DSCAM: variants seen among roughly 807,000 people sequenced by gnomAD.
DSCAM encodes the protein cell adhesion molecule DSCAM.
DSCAM carries 47 observed loss-of-function variants against 217.7 expected under a neutral mutation model. The ratio of observed to expected loss-of-function variants is 0.22; its 90% confidence interval spans 0.17 to 0.28. DSCAM has a LOEUF of 0.28. DSCAM is among the 10% of genes least tolerant of loss of function. The probability of loss-of-function intolerance (pLI) is 1.00; values close to 1 mark genes in which losing one functional copy is unlikely to be tolerated. For synonymous variants in DSCAM, 1,056 were observed against 1,015.3 expected (o/e 1.04, Z -0.76); for missense variants, 2,080 against 2,618.3 (o/e 0.79, Z 4.49).
At chr21:40,238,501 G>A (rs995744770) in intron 11 of DSCAM, among the ~76,000 whole-genome samples, 5 of 152,162 alleles carry the variant, frequency 3.3e-5, no homozygotes, top group Non-Finnish European at 7.3e-5. Context: ...GGTGTTCACC[G>A]CTAAACTCCA....
intron 2 of DSCAM, among the ~76,000 whole-genome samples, chr21:40,701,286 T>C (rs1352752747): frequency 1.3e-5 from 2 of 152,172 alleles, no homozygotes; most frequent in African/African-American, 4.8e-5. Context: ...TAAAGTGACG[T>C]TATCTCCCTC....
intron 1 of DSCAM, among the ~76,000 whole-genome samples, chr21:40,721,072 A>T (rs1446051261): frequency 6.6e-6 from 1 of 152,216 alleles, no homozygotes; most frequent in African/African-American, 2.4e-5. Flanking sequence ...AACTTCTAAT[A>T]AATAGAACAT....
intron 1 of DSCAM, among the ~76,000 whole-genome samples, chr21:40,744,189 A>G (rs975832973): frequency 6.6e-6 from 1 of 152,200 alleles, no homozygotes; most frequent in African/African-American, 2.4e-5. Context: ...AAGCCCACTC[A>G]GGTCTCACTG....
chr21:40,791,115 C>T (rs973405219), intron 1 of DSCAM, among the ~76,000 whole-genome samples: 20 of 148,902 alleles, frequency 1.3e-4, no homozygotes, highest in Admixed American at 6.7e-5. Flanking sequence ...ACCCAGGAGG[C>T]AGAGGTACTC....
rs1372111829 is a variant in DSCAM, at chr21:40,083,975, G to A, written c.4164C>T (p.Ser1388=). Residue 1388 remains serine, a synonymous_variant, in exon 24 of 33, where the codon TCC becomes TCT. Coordinates refer to ENST00000400454, the MANE Select transcript of DSCAM (RefSeq NM_001389.5). ...VPPDQPRLTV[S]KTTSSSITLS... is the part of the protein sequence containing the mutation. ...GGGTGATGGAGGAAGACGTGGTCTT[G>A]GAGACTGTAAGCCGAGGCTGATCTG... 6.2e-7 allele frequency: 1 copy of A among 1,613,580 alleles called. No individual in the cohort carries two copies. The highest frequency in any genetic ancestry group is 2.2e-5 in the East Asian group (1 of 44,858).
intron 11 of DSCAM, among the ~76,000 whole-genome samples, chr21:40,237,678 T>C (rs1427217568): frequency 6.6e-6 from 1 of 152,230 alleles, no homozygotes; most frequent in Non-Finnish European, 1.5e-5. Context: ...TAAACATACA[T>C]GTGCATGTGT....
intron 21 of DSCAM, among the ~76,000 whole-genome samples, chr21:40,090,273 T>C (rs2089590229): frequency 6.6e-6 from 1 of 152,066 alleles, no homozygotes; most frequent in South Asian, 2.1e-4. Context: ...TGAAAAATAA[T>C]GAACCCAGAG....
chr21:40,116,144 C>G (rs1014629698), intron 20 of DSCAM, among the ~76,000 whole-genome samples: 3 of 152,066 alleles, frequency 2.0e-5, no homozygotes, highest in Non-Finnish European at 4.4e-5. Flanking sequence ...CACAACACAA[C>G]AACAACACAC....
In DSCAM at chr21:40,276,220, C is replaced by T. The variant is rs750496576; in HGVS notation, c.2233G>A (p.Val745Ile). 1.2e-6 allele frequency: 2 copies of T among 1,612,752 alleles called. No homozygotes were observed. The highest frequency in any genetic ancestry group is 1.7e-6 in the Non-Finnish European group (2 of 1,179,388). ...ATCAGCAACGACCCATTGCTGAGAA[C>T]TTGGATTCGGCCATTTAGGGCAATT... is the stretch of plus-strand genomic sequence containing the variant. Reference protein sequence around the residue: ...QPIALNGRIQVLSNGSLLIKH... With the variant: ...QPIALNGRIQILSNGSLLIKH... Residue 745 changes from valine (V) to isoleucine (I), a missense_variant, in exon 11 of 33, where the codon GTT becomes ATT. Physicochemically the swap from Val to Ile is conservative, Grantham distance 29 (BLOSUM62 3). Transcript: ENST00000400454.
chr21:40,674,733 T>C (rs1040524215), intron 3 of DSCAM, among the ~76,000 whole-genome samples: 1 of 148,858 alleles, frequency 6.7e-6, no homozygotes, highest in African/African-American at 2.5e-5. Context: ...CCCAGGTTCA[T>C]GGCATTCTCC....
At chr21:40,762,675 G>A (rs895382687) in intron 1 of DSCAM, among the ~76,000 whole-genome samples, 3 of 152,144 alleles carry the variant, frequency 2.0e-5, no homozygotes, top group Admixed American at 2.0e-4. Context: ...AAAATTTCAG[G>A]CCGATATCCC....
chr21:40,534,949 G>A (rs1294428420), intron 3 of DSCAM, among the ~76,000 whole-genome samples: 1 of 152,016 alleles, frequency 6.6e-6, no homozygotes, highest in Non-Finnish European at 1.5e-5. Context: ...AAAAATAGGG[G>A]GTTCCAGCTT....
At chr21:40,655,149 C>A (rs1857482656) in intron 3 of DSCAM, among the ~76,000 whole-genome samples, 1 of 152,160 alleles carries the variant, frequency 6.6e-6, no homozygotes, top group Admixed American at 6.5e-5. Flanking sequence ...ATCTTGACAG[C>A]AACTAGACAT....
intron 32 of DSCAM, among the ~76,000 whole-genome samples, chr21:40,033,953 C>T (rs1204478699): frequency 7.4e-6 from 1 of 135,008 alleles, no homozygotes; most frequent in Non-Finnish European, 1.6e-5. Flanking sequence ...TCCAACAGAC[C>T]TGCAGCTGAG....
At chr21:40,117,001 CA>C (rs534100380) in intron 20 of DSCAM, among the ~76,000 whole-genome samples, 5,638 of 32,788 alleles carry the variant, frequency 0.17, 17 homozygotes, top group African/African-American at 0.25. Flanking sequence ...GACTCTGTCT[CA>C]AAAAAAAAAA....
intron 8 of DSCAM, among the ~76,000 whole-genome samples, chr21:40,333,941 A>G (rs1569069061): frequency 6.6e-6 from 1 of 152,188 alleles, no homozygotes; most frequent in Non-Finnish European, 1.5e-5. Context: ...CTTGCAACCA[A>G]TGGGGTCATA....
At chr21:40,620,501 G>A (rs1442023708) in intron 3 of DSCAM, among the ~76,000 whole-genome samples, 1 of 149,682 alleles carries the variant, frequency 6.7e-6, no homozygotes. Context: ...GAGAGAGGGA[G>A]GGAGGGGAGG....
At chr21:40,647,819 T>C (rs2089965456) in intron 3 of DSCAM, among the ~76,000 whole-genome samples, 1 of 152,182 alleles carries the variant, frequency 6.6e-6, no homozygotes, top group South Asian at 2.1e-4. Context: ...ATATAATGCC[T>C]CACATCTGCA....
intron 3 of DSCAM, among the ~76,000 whole-genome samples, chr21:40,519,862 ATGCG>A (rs968510624): frequency 1.4e-3 from 204 of 143,996 alleles, no homozygotes; most frequent in African/African-American, 4.8e-3. Context: ...GTGTGTGTGT[ATGCG>A]TGTGTGTGTG....
Sources: gnomAD v4.1 joint callset for allele counts (sites outside exome capture counted in the v4.1 genomes callset) on GRCh38, gnomAD v4.1.1 for gene constraint, MANE v1.5 for transcripts, NCBI Gene and HGNC (gene_info 2026-07-23, HGNC 2026-07-21) for gene names.